Variants in TMEM132D observed in about 807,000 individuals in gnomAD.
TMEM132D encodes the protein transmembrane protein 132D, also known as mature OL transmembrane protein.
TMEM132D carries 21 observed loss-of-function variants against 62.3 expected under a neutral mutation model. That is an observed-to-expected ratio of 0.34 (90% CI 0.24 to 0.49). TMEM132D has a LOEUF of 0.49. TMEM132D is among the 20% of genes least tolerant of loss of function. TMEM132D has a pLI of 0.99. For missense variants in TMEM132D, 1,346 were observed against 1,402.8 expected (o/e 0.96, Z 0.65); for synonymous variants, 621 against 575.6 (o/e 1.08, Z -1.13).
At position 129,339,723 on chromosome 12, in the gene TMEM132D, G is replaced by A. The variant is rs117455486; in HGVS notation, c.1116-1906C>T. Among the ~76,000 whole-genome samples, 1,212 of 152,254 alleles carry A rather than the reference G, an allele frequency of 8.0e-3. 7 individuals are homozygous for A. The highest frequency in any genetic ancestry group is 0.012 in the Non-Finnish European group (813 of 68,026). ...TCGAACTTGACAAGAATTTTGGTAT[G>A]ACTTTCCCATTGATGAAATGGGATA... On this transcript the variant is annotated intron_variant, in intron 3 of 8. Transcript: ENST00000422113.
chr12:129,463,623 G>A (rs1219950165), intron 3 of TMEM132D, among the ~76,000 whole-genome samples: 12 of 123,736 alleles, frequency 9.7e-5, no homozygotes, highest in East Asian at 5.2e-4. Flanking sequence ...ATCCCTCCCC[G>A]CTCCCCCCAC....
intron 2 of TMEM132D, among the ~76,000 whole-genome samples, chr12:129,651,174 A>T (rs1879918556): frequency 6.6e-6 from 1 of 152,134 alleles, no homozygotes; most frequent in Non-Finnish European, 1.5e-5. Flanking sequence ...ATCATTTTGA[A>T]TACTTAATCC....
At chr12:129,575,554 A>T (rs1358379315) in intron 2 of TMEM132D, among the ~76,000 whole-genome samples, 1 of 151,920 alleles carries the variant, frequency 6.6e-6, no homozygotes, top group East Asian at 1.9e-4. Flanking sequence ...CATGTGCCAG[A>T]CTGAGAAGTC....
chr12:129,279,394 T>A (rs1593321185), intron 4 of TMEM132D, among the ~76,000 whole-genome samples: 2 of 152,148 alleles, frequency 1.3e-5, no homozygotes, highest in East Asian at 3.9e-4. Flanking sequence ...TCCTAAAGAA[T>A]TTTTTTTGGG....
chr12:129,112,506 A>G (rs551661814), intron 5 of TMEM132D, among the ~76,000 whole-genome samples: 2 of 152,346 alleles, frequency 1.3e-5, no homozygotes, highest in South Asian at 4.1e-4. Flanking sequence ...TACTAAAAAT[A>G]TAAAAAATTA....
intron 3 of TMEM132D, among the ~76,000 whole-genome samples, chr12:129,452,233 G>GA (rs919538934): frequency 4.3e-4 from 65 of 152,262 alleles, no homozygotes; most frequent in African/African-American, 1.5e-3. Flanking sequence ...GCCTGTCTTG[G>GA]AAAAAATGAA....
rs570198309 is a variant in TMEM132D at position 129,428,188 on chromosome 12, C to T, written c.1116-90371G>A. Among the ~76,000 whole-genome samples the T allele has an allele frequency of 7.9e-5, 12 of 152,230 alleles. No homozygotes were observed. In the East Asian group the frequency reaches 1.5e-3, roughly 20 times the overall value. On this transcript the variant is annotated intron_variant, in intron 3 of 8. Coordinates refer to ENST00000422113, the MANE Select transcript of TMEM132D (RefSeq NM_133448.3). ...AGAAATCTGTTCTTTCTTACAAATA[C>T]GGAAACCCATTTTAAAATTGGATAC...
intron 3 of TMEM132D, among the ~76,000 whole-genome samples, chr12:129,373,989 C>G (rs1300060963): frequency 6.6e-6 from 1 of 151,880 alleles, no homozygotes; most frequent in African/African-American, 2.4e-5. Flanking sequence ...AGCCTAAGGC[C>G]TTAGGGAAAT....
chr12:129,100,852 A>G (rs556976255), intron 5 of TMEM132D, among the ~76,000 whole-genome samples: 38 of 152,344 alleles, frequency 2.5e-4, no homozygotes, highest in South Asian at 1.5e-3. Context: ...CCTAAATGAA[A>G]TGGAATTCAA....
chr12:129,309,560 C>G (rs150304595), intron 4 of TMEM132D, among the ~76,000 whole-genome samples: 1 of 152,290 alleles, frequency 6.6e-6, no homozygotes, highest in African/African-American at 2.4e-5. Context: ...ATCCAGCCTA[C>G]AGTCCCATCT....
At chr12:129,736,586 A>G (rs1869430400) in intron 1 of TMEM132D, among the ~76,000 whole-genome samples, 1 of 146,992 alleles carries the variant, frequency 6.8e-6, no homozygotes, top group South Asian at 2.3e-4. Context: ...TTACTACTTT[A>G]AAGAAAAACA....
At chr12:129,594,055 G>C (rs558987265) in intron 2 of TMEM132D, among the ~76,000 whole-genome samples, 68 of 152,262 alleles carry the variant, frequency 4.5e-4, no homozygotes, top group Middle Eastern at 3.4e-3. Context: ...GCTCACTTCT[G>C]GCTTCCGTGG....
At chr12:129,647,437 C>T (rs924236437) in intron 2 of TMEM132D, among the ~76,000 whole-genome samples, 13 of 152,096 alleles carry the variant, frequency 8.5e-5, no homozygotes, top group Non-Finnish European at 1.8e-4. Flanking sequence ...CTTCTGACTT[C>T]AGATGTAGGA....
intron 1 of TMEM132D, among the ~76,000 whole-genome samples, chr12:129,835,417 A>G (rs936411050): frequency 5.9e-5 from 9 of 152,014 alleles, no homozygotes; most frequent in African/African-American, 2.2e-4. Flanking sequence ...CAGCCCCTCA[A>G]GTAGCTGGGA....
chr12:129,320,416 G>A (rs572789875), intron 4 of TMEM132D, among the ~76,000 whole-genome samples: 30 of 152,218 alleles, frequency 2.0e-4, no homozygotes, highest in Middle Eastern at 3.4e-3. Context: ...ACATTCTATG[G>A]GACACTGTGC....
At chr12:129,775,353 C>T (rs1416765623) in intron 1 of TMEM132D, among the ~76,000 whole-genome samples, 3 of 152,150 alleles carry the variant, frequency 2.0e-5, no homozygotes, top group African/African-American at 4.8e-5. Context: ...TGACAAGCAG[C>T]GACCTTGCCC....
chr12:129,737,536 T>G (rs1180231984), intron 1 of TMEM132D, among the ~76,000 whole-genome samples: 1 of 152,016 alleles, frequency 6.6e-6, no homozygotes, highest in African/African-American at 2.4e-5. Context: ...AGGGCATGCA[T>G]CCTCTCATTT....
At chr12:129,411,878 T>C (rs948939340) in intron 3 of TMEM132D, among the ~76,000 whole-genome samples, 1 of 152,366 alleles carries the variant, frequency 6.6e-6, no homozygotes, top group East Asian at 1.9e-4. Context: ...GTTATCTTCA[T>C]TGCTTTCTTC....
At chr12:129,873,257 A>G (rs1874314372) in intron 1 of TMEM132D, among the ~76,000 whole-genome samples, 1 of 152,174 alleles carries the variant, frequency 6.6e-6, no homozygotes, top group South Asian at 2.1e-4. Context: ...AAGATCTGAT[A>G]GAAGAGGGGG....
Sources: allele counts gnomAD v4.1 joint callset (sites outside exome capture counted in the v4.1 genomes callset), GRCh38; gene constraint gnomAD v4.1.1; transcripts MANE v1.5; gene names NCBI Gene and HGNC (gene_info 2026-07-23, HGNC 2026-07-21).